The following MNDA variants were observed in gnomAD, a reference collection of about 807,000 sequenced individuals.
The protein encoded by MNDA is epididymis secretory sperm binding protein.
In MNDA, 43 loss-of-function variants were observed where a neutral mutation model predicts 37.8. The observed-to-expected ratio is 1.14, with a 90% confidence interval of 0.89 to 1.47. The LOEUF (loss-of-function observed/expected upper bound fraction) is 1.47, where lower values mean the gene tolerates loss of function less well. Among genes scored for constraint, MNDA ranks in the 40% most tolerant of loss-of-function variants. The pLI is 0.00. For missense variants in MNDA, 536 were observed against 476.0 expected (o/e 1.13, Z -1.17); for synonymous variants, 181 against 169.0 (o/e 1.07, Z -0.55).
chr1:158,843,237 C>T, intron 2 of MNDA, 42 bp from the exon 3 acceptor site: 1 of 1,559,930 alleles, frequency 6.4e-7, no homozygotes, highest in Non-Finnish European at 8.6e-7. Flanking sequence ...ATAAGCTATT[C>T]CACTCTAGGC....
At position 158,845,796 on chromosome 1, in the gene MNDA, T is replaced by C. The variant is rs1252915942; in HGVS notation, c.780T>C (p.Phe260=). The change falls in exon 5 of 7, where the codon TTT becomes TTC. Residue 260 remains phenylalanine, a synonymous_variant. Transcript: ENST00000368141. ...TCGACATCAACTTGAAAGAGAAATTTGTAAGGAAGAAGGTCATTACCATAT... is the reference window on the plus strand; with the variant it reads ...TCGACATCAACTTGAAAGAGAAATTCGTAAGGAAGAAGGTCATTACCATAT... ...KVFDINLKEK[F]VRKKVITISD... 1.9e-6 allele frequency: 3 copies of C among 1,614,062 alleles called. No homozygotes were observed. Among genetic ancestry groups the C allele is most frequent in the Non-Finnish European group, 2.5e-6 (3 of 1,179,970 alleles).
At position 158,847,783 on chromosome 1, in the gene MNDA, T is replaced by C. The variant is rs755110706; in HGVS notation, c.1043T>C (p.Met348Thr). The change falls in exon 6 of 7, where the codon ATG (methionine) becomes ACG (threonine). Residue 348 changes from methionine to threonine, a missense_variant. Met to Thr is a moderately conservative substitution (Grantham distance 81, BLOSUM62 -1). Transcript: ENST00000368141. ...GAAATACAGGATAATACAGGATCCA[T>C]GGATGTAGTGGGGAGTGGAAAATGG... ...IYEIQDNTGS[M>T]DVVGSGKWHN... 8.1e-6 allele frequency: 13 copies of C among 1,613,870 alleles called. No homozygotes were observed. The highest frequency in any genetic ancestry group is 1.7e-5 in the Admixed American group (1 of 59,998).
chr1:158,833,294 C>T (rs1015190019), intron 1 of MNDA, among the ~76,000 whole-genome samples: 1 of 152,152 alleles, frequency 6.6e-6, no homozygotes, highest in African/African-American at 2.4e-5. Flanking sequence ...CTTCTGAAAG[C>T]TTTGAATATA....
At chr1:158,842,572 AT>A in intron 2 of MNDA, 154 bp downstream of exon 2, 1 of 668,006 alleles carries the variant, frequency 1.5e-6, no homozygotes, top group Non-Finnish European at 2.6e-6. Flanking sequence ...CCAGTTGGCA[AT>A]TTAGAACATT....
chr1:158,836,361 T>G (rs950763737), intron 1 of MNDA, among the ~76,000 whole-genome samples: 9 of 151,978 alleles, frequency 5.9e-5, no homozygotes, highest in African/African-American at 2.2e-4. Flanking sequence ...GTCTGGACTT[T>G]TCTTTATTGA....
intron 6 of MNDA, among the ~76,000 whole-genome samples, chr1:158,848,256 T>A (rs1659180524): frequency 1.3e-5 from 2 of 152,188 alleles, no homozygotes; most frequent in Admixed American, 1.3e-4. Context: ...GGGGAAACAG[T>A]TTCATTGGTC....
At chr1:158,846,919 A>G (rs1461437810) in intron 5 of MNDA, among the ~76,000 whole-genome samples, 1 of 152,250 alleles carries the variant, frequency 6.6e-6, no homozygotes, top group Non-Finnish European at 1.5e-5. Flanking sequence ...ACTACAGAGT[A>G]TGAATGGAGG....
At chr1:158,840,551 G>T (rs1659011466) in intron 1 of MNDA, among the ~76,000 whole-genome samples, 1 of 152,108 alleles carries the variant, frequency 6.6e-6, no homozygotes, top group Non-Finnish European at 1.5e-5. Context: ...TCTCTAATTT[G>T]CAAGATGATT....
chr1:158,846,452 A>C (rs1423682366), intron 5 of MNDA, among the ~76,000 whole-genome samples: 1 of 152,196 alleles, frequency 6.6e-6, no homozygotes, highest in Non-Finnish European at 1.5e-5. Flanking sequence ...TATGCTCATA[A>C]ATGCAAATAC....
chr1:158,836,294 A>G (rs774700735), intron 1 of MNDA, among the ~76,000 whole-genome samples: 6 of 152,000 alleles, frequency 3.9e-5, no homozygotes, highest in Non-Finnish European at 7.4e-5. Context: ...ACTTTGAGGA[A>G]TTTTGGTCTT....
chr1:158,847,646 A>G (rs1305347081), intron 5 of MNDA, 82 bp from the exon 6 acceptor site: 5 of 1,368,278 alleles, frequency 3.7e-6, no homozygotes, highest in South Asian at 1.4e-5. Context: ...TGCATATTGC[A>G]TTAACTTTGT....
At chr1:158,841,980 G>T (rs181042711) in intron 1 of MNDA, among the ~76,000 whole-genome samples, 154 bp from the exon 2 acceptor site, 1 of 152,298 alleles carries the variant, frequency 6.6e-6, no homozygotes, top group Admixed American at 6.5e-5. Context: ...TTGATCCATT[G>T]TTCACAGTGA....
At chr1:158,837,625 C>T (rs1169906338) in intron 1 of MNDA, among the ~76,000 whole-genome samples, 1 of 151,688 alleles carries the variant, frequency 6.6e-6, no homozygotes. Context: ...GCAACATATA[C>T]TTGGATCCCC....
chr1:158,843,334 A>G lies in MNDA; in HGVS notation c.321A>G (p.Glu107=). 1.9e-6 allele frequency: 3 copies of G among 1,612,354 alleles called. No homozygotes were observed. Among genetic ancestry groups the G allele is most frequent in the Non-Finnish European group, 1.7e-6 (2 of 1,179,428 alleles). The change falls in exon 3 of 7, where the codon GAA becomes GAG. Residue 107 remains glutamate, a synonymous_variant. Transcript: ENST00000368141. ...CTCCAGTGAAAAAAATAAACCAGGA[A>G]GAAGTGGGTCTTGCGGCACCTGCAC... ...EKAPVKKINQ[E]EVGLAAPAPT... is the part of the protein sequence containing the mutation.
chr1:158,848,034 C>A, intron 6 of MNDA, 118 bp downstream of exon 6: 1 of 873,466 alleles, frequency 1.1e-6, no homozygotes. Context: ...GAAGGAGAAC[C>A]TAAACAATGC....
At chr1:158,841,542 G>A (rs1216207963) in intron 1 of MNDA, among the ~76,000 whole-genome samples, 1 of 152,182 alleles carries the variant, frequency 6.6e-6, no homozygotes, top group African/African-American at 2.4e-5. Flanking sequence ...TAGATGCATA[G>A]GACACAGAGA....
chr1:158,837,058 A>G (rs2102046113), intron 1 of MNDA, among the ~76,000 whole-genome samples: 1 of 151,926 alleles, frequency 6.6e-6, no homozygotes, highest in East Asian at 1.9e-4. Flanking sequence ...ATAAAAAAAT[A>G]TACTCTGTAT....
intron 1 of MNDA, among the ~76,000 whole-genome samples, chr1:158,832,648 A>G (rs1326566018): frequency 6.6e-6 from 1 of 151,588 alleles, no homozygotes; most frequent in African/African-American, 2.4e-5. Flanking sequence ...TGCATACTTT[A>G]CCATTATGTA....
chr1:158,847,590 T>C lies in MNDA; in HGVS notation c.988-138T>C. 7.7e-6 allele frequency: 5 copies of C among 649,496 alleles called. No homozygotes were observed. The East Asian group carries it at 9.6e-5, about 13-fold the overall frequency. 40.2% of individuals were successfully genotyped at this position (649,496 alleles called of 1,614,324 possible). ...ATAATAAAAGATGGACCCTGTGAGA[T>C]GGCAGGCCAAGCCACATGTATGATC... On this transcript the variant is annotated intron_variant, in intron 5 of 6. Coordinates refer to ENST00000368141, the MANE Select transcript of MNDA (RefSeq NM_002432.3).
Sources: gnomAD v4.1 joint callset for allele counts (sites outside exome capture counted in the v4.1 genomes callset) on GRCh38, gnomAD v4.1.1 for gene constraint, MANE v1.5 for transcripts, NCBI Gene and HGNC (gene_info 2026-07-23, HGNC 2026-07-21) for gene names.